MYBPH: variants seen among roughly 807,000 people sequenced by gnomAD.
The protein encoded by MYBPH is myosin-binding protein H.
MYBPH carries 49 observed loss-of-function variants against 53.6 expected under a neutral mutation model. The observed-to-expected ratio is 0.91, with a 90% CI of 0.73 to 1.16. MYBPH has a LOEUF of 1.16. MYBPH is among the 50% of genes most tolerant of loss of function. The probability of loss-of-function intolerance (pLI) is 0.00; values close to 1 mark genes in which losing one functional copy is unlikely to be tolerated. For missense variants in MYBPH, 558 were observed against 624.1 expected (o/e 0.89, Z 1.13); for synonymous variants, 239 against 249.6 (o/e 0.96, Z 0.40).
At chr1:203,177,444 T>G (rs765227345), upstream of MYBPH, among the ~76,000 whole-genome samples, 1 of 152,244 alleles carries the variant, frequency 6.6e-6, no homozygotes, top group African/African-American at 2.4e-5. Flanking sequence ...GCATGCATGC[T>G]CTTCCCTTTC....
intron 7 of MYBPH, 111 bp from the exon 8 acceptor site, chr1:203,169,500 A>C: frequency 7.0e-7 from 1 of 1,435,848 alleles, no homozygotes; most frequent in Non-Finnish European, 9.6e-7. Flanking sequence ...GCTTATTTGC[A>C]GGAACTTGGA....
chr1:203,176,884 A>G (rs1655821295), upstream of MYBPH, among the ~76,000 whole-genome samples: 2 of 152,164 alleles, frequency 1.3e-5, no homozygotes, highest in South Asian at 4.1e-4. Flanking sequence ...ACACCCACAC[A>G]TGCCCCAGGA....
At position 203,169,301 on chromosome 1, in the gene MYBPH, G is replaced by A. The variant is rs1387093081; in HGVS notation, c.1182C>T (p.Thr394=). The change falls in exon 8 of 11, where the codon ACC becomes ACT. Residue 394 remains threonine (T), a synonymous_variant. Transcript: ENST00000255416. ...AGAACAACTGGGTGCTGTAGCCAGG[G>A]GTGGAGGTGTGGTCAGCCAGGGGCT... The part of the protein sequence containing the change: ...FTQPLADHTS[T]PGYSTQLFCS... The A allele has an allele frequency of 2.5e-6, 4 of 1,613,622 alleles. No homozygotes were observed. Among genetic ancestry groups the A allele is most frequent in the African/African-American group, 1.3e-5 (1 of 74,926 alleles).
At chr1:203,179,167 G>T (rs905993607), upstream of MYBPH, 3 of 290,620 alleles carry the variant, frequency 1.0e-5, no homozygotes, top group African/African-American at 4.3e-5. Context: ...CCCTTGCCAG[G>T]CTTGGGGATC....
intron 3 of MYBPH, among the ~76,000 whole-genome samples, chr1:203,172,416 C>T (rs1449521480): frequency 6.6e-6 from 1 of 152,148 alleles, no homozygotes; most frequent in Non-Finnish European, 1.5e-5. Context: ...AGGTGCTGCA[C>T]CTGTCAGGCT....
In MYBPH at chr1:203,171,977, G is replaced by A. The variant is rs776879697; in HGVS notation, c.572C>T (p.Thr191Met). ...RQTYIRQVGE[T>M]VNLQIPFQGK... Reference sequence around the variant, plus strand: ...CTGGAAGGGGATTTGCAGGTTGACCGTCTCTCCCACCTGGCGGATGTAGGT... The same window carrying A: ...CTGGAAGGGGATTTGCAGGTTGACCATCTCTCCCACCTGGCGGATGTAGGT... The change falls in exon 4 of 11, where the codon ACG becomes ATG. Residue 191 changes from threonine (T) to methionine (M), a missense_variant. Physicochemically the swap from Thr to Met is moderately conservative, Grantham distance 81. Transcript: ENST00000255416. The surrounding 1 kb of genome is among the most constrained non-coding windows in gnomAD (Gnocchi z 4.2). 23 of 1,324,870 alleles carry A rather than the reference G, an allele frequency of 1.7e-5. No individual in the cohort carries two copies. The South Asian group carries it at 3.9e-4, about 23-fold the overall frequency. The allele number at this position is 1,324,870 out of a possible 1,614,324, so 82.1% of individuals were successfully genotyped here. A position where few individuals can be genotyped will look rare whatever the true frequency, so the allele number is the denominator to read the frequency against.
intron 3 of MYBPH, among the ~76,000 whole-genome samples, chr1:203,173,836 CGAGGGGAG>C (rs1360641116): frequency 2.6e-5 from 4 of 152,178 alleles, no homozygotes; most frequent in Non-Finnish European, 5.9e-5. Flanking sequence ...GGGAGGGGAG[CGAGGGGAG>C]GATTGAGGCT....
chr1:203,168,593 A>C, intron 10 of MYBPH, 34 bp downstream of exon 10: 4 of 1,539,120 alleles, frequency 2.6e-6, no homozygotes, highest in Non-Finnish European at 3.5e-6. Context: ...TGCTGCCCAC[A>C]GAGGTAACAG....
chr1:203,173,420 A>G (rs1208173511), intron 3 of MYBPH, among the ~76,000 whole-genome samples: 2 of 152,226 alleles, frequency 1.3e-5, no homozygotes, highest in African/African-American at 2.4e-5. Flanking sequence ...GCAGTGGGAC[A>G]TGAGTGGTCC....
chr1:203,175,456 G>T lies in MYBPH; in HGVS notation c.211C>A (p.Pro71Thr), dbSNP rs781771469. The T allele has an allele frequency of 6.3e-7, 1 of 1,587,584 alleles. No individual in the cohort carries two copies. The highest frequency in any genetic ancestry group is 1.1e-5 in the South Asian group (1 of 87,070). The change falls in exon 2 of 11, where the codon CCC (proline) becomes ACC (threonine). Residue 71 changes from proline to threonine, a missense_variant. By Grantham distance (38) the Pro-to-Thr change is conservative (BLOSUM62 -1). Coordinates refer to ENST00000255416, the MANE Select transcript of MYBPH (RefSeq NM_004997.3). ...TKPAPPSEDV[P>T]SAPLLLTLDD... ...AGGGTCAGCAGCAGTGGGGCACTGG[G>T]GACATCTGGGGAGATGAAGAGGTTC...
chr1:203,168,739 T>A, intron 9 of MYBPH, 64 bp from the exon 10 acceptor site: 4 of 1,606,124 alleles, frequency 2.5e-6, no homozygotes, highest in Non-Finnish European at 3.4e-6. Flanking sequence ...TTCACGGTTA[T>A]ACACCCTCTT....
Position 203,171,163 on chromosome 1 carries a change from G to T in MYBPH, c.831C>A (p.Asp277Glu), listed in dbSNP as rs550338578. 3.1e-6 allele frequency: 5 copies of T among 1,611,590 alleles called. No individual in the cohort carries two copies. The highest frequency in any genetic ancestry group is 1.7e-5 in the Admixed American group (1 of 59,532). Residue 277 changes from aspartate to glutamate, a missense_variant, in exon 6 of 11, where the codon GAC (aspartate) becomes GAA (glutamate). Coordinates refer to ENST00000255416, the MANE Select transcript of MYBPH (RefSeq NM_004997.3). This position sits in a 1 kb window ranked among gnomAD's most constrained non-coding sequence, Gnocchi z 4.2. ...GAAGAGCAGCATTGCAGCCCCAGAC[G>T]TCCAGGAGCCTGATGCTGCTGGGGG... ...PGPPSSIRLL[D>E]VWGCNAALQW...
chr1:203,178,403 G>A (rs969746152), upstream of MYBPH, among the ~76,000 whole-genome samples: 9 of 152,064 alleles, frequency 5.9e-5, no homozygotes, highest in African/African-American at 1.2e-4. Context: ...CAAGGTAATC[G>A]GCTGCCCCTC....
upstream of MYBPH, among the ~76,000 whole-genome samples, chr1:203,176,426 C>T (rs1344779843): frequency 6.6e-6 from 1 of 152,196 alleles, no homozygotes; most frequent in Non-Finnish European, 1.5e-5. Context: ...CACTAAGTCT[C>T]CTGGCTCCTG....
At chr1:203,168,774 G>A (rs2102186814) in intron 9 of MYBPH, 99 bp from the exon 10 acceptor site, 4 of 1,594,106 alleles carry the variant, frequency 2.5e-6, no homozygotes, top group East Asian at 4.5e-5. Context: ...CCTGCCGCTT[G>A]GAAAGTAATC....
rs1571821904 is a variant in MYBPH at position 203,172,510 on chromosome 1, C to G, written c.509-470G>C. ...ACAAGCCCAGGACTTTCAGAGAAGC[C>G]TTTGTGAAACCCTGTTTGTCCATTC... On this transcript the variant is annotated intron_variant, in intron 3 of 10. Coordinates refer to ENST00000255416, the MANE Select transcript of MYBPH (RefSeq NM_004997.3). 3.9e-5 allele frequency among the ~76,000 whole-genome samples: 6 copies of G among 152,296 alleles called. 1 individual carries two copies. The South Asian group carries it at 1.2e-3, about 32-fold the overall frequency.
In MYBPH at chr1:203,170,387, C is replaced by T. The variant is rs372443006; in HGVS notation, c.997G>A (p.Gly333Ser). The change falls in exon 7 of 11, where the codon GGC (glycine) becomes AGC (serine). Residue 333 changes from glycine (G) to serine (S), a missense_variant. Physicochemically the swap from Gly to Ser is moderately conservative, Grantham distance 56 (BLOSUM62 0). Transcript: ENST00000255416. ...TTCTISDLIIGNSYSFRVFSE... is the reference protein window; with the variant it reads ...TTCTISDLIISNSYSFRVFSE... ...AAGACCCGGAAGGAGTACGAGTTGCCGATGATGAGGTCAGAGATGGTGCAG... is the reference window on the plus strand; with the variant it reads ...AAGACCCGGAAGGAGTACGAGTTGCTGATGATGAGGTCAGAGATGGTGCAG... 8 of 1,613,964 alleles carry T rather than the reference C, an allele frequency of 5.0e-6. No individual in the cohort carries two copies. The highest frequency in any genetic ancestry group is 2.7e-5 in the African/African-American group (2 of 74,888).
At chr1:203,170,571 C>G (rs1305189772) in intron 6 of MYBPH, 121 bp from the exon 7 acceptor site, 9 of 1,311,704 alleles carry the variant, frequency 6.9e-6, no homozygotes, top group African/African-American at 3.0e-5. Flanking sequence ...GCTGAACCAT[C>G]CAGCTTTGGG....
rs774636760 is a variant in MYBPH, at chr1:203,175,670, G to A, written c.86C>T (p.Pro29Leu). 3.1e-5 allele frequency: 50 copies of A among 1,613,894 alleles called. No individual in the cohort carries two copies. The highest frequency in any genetic ancestry group is 4.1e-5 in the Non-Finnish European group (48 of 1,179,956). ...SESAKVPTAE[P>L]PGEVAVSEST... ...CTCTGATACTGCCACTTCTCCGGGA[G>A]GCTCTGCTGTGGGCACCTTGGCAGA... The change falls in exon 1 of 11, where the codon CCT becomes CTT. Residue 29 changes from proline to leucine, a missense_variant. By Grantham distance (98) the Pro-to-Leu change is moderately conservative. Coordinates refer to ENST00000255416, the MANE Select transcript of MYBPH (RefSeq NM_004997.3).
Sources: allele counts gnomAD v4.1 joint callset (sites outside exome capture counted in the v4.1 genomes callset), GRCh38; gene constraint gnomAD v4.1.1; non-coding constraint Gnocchi (gnomAD v3.1); transcripts MANE v1.5; gene names NCBI Gene and HGNC (gene_info 2026-07-23, HGNC 2026-07-21).